DDX60L: variants seen among roughly 807,000 people sequenced by gnomAD.
DDX60L encodes the protein DExD/H-box 60 like, also known as probable ATP-dependent RNA helicase DDX60-like.
DDX60L carries 191 observed loss-of-function variants against 211.6 expected under a neutral mutation model. The ratio of observed to expected loss-of-function variants is 0.90; its 90% confidence interval spans 0.80 to 1.02. The LOEUF (loss-of-function observed/expected upper bound fraction) is 1.02. Ranked by LOEUF, DDX60L falls within the 50% of genes least tolerant of loss-of-function variation. DDX60L has a pLI of 0.00. For synonymous variants in DDX60L, 706 were observed against 694.1 expected (o/e 1.02, Z -0.27); for missense variants, 2,007 against 1,984.1 (o/e 1.01, Z -0.22).
At chr4:168,361,101 A>C in intron 37 of DDX60L, 48 bp downstream of exon 37, 1 of 1,352,468 alleles carries the variant, frequency 7.4e-7, no homozygotes, top group Non-Finnish European at 1.0e-6. Context: ...TATGTTTGCT[A>C]AACTATCATT....
At chr4:168,479,817 A>C (rs1304194114) in intron 1 of DDX60L, among the ~76,000 whole-genome samples, 2 of 150,958 alleles carry the variant, frequency 1.3e-5, no homozygotes, top group African/African-American at 4.9e-5. Flanking sequence ...AAAATAAAAA[A>C]TAAAAAATAA....
chr4:168,469,879 A>G (rs1228839678), intron 4 of DDX60L: 1 of 152,196 alleles, frequency 6.6e-6, no homozygotes, highest in Non-Finnish European at 1.5e-5. Context: ...CTCTGTCTCA[A>G]AATGAAGTGA....
At chr4:168,458,465 A>G (rs1049334690) in intron 5 of DDX60L, among the ~76,000 whole-genome samples, 2 of 152,194 alleles carry the variant, frequency 1.3e-5, no homozygotes, top group African/African-American at 4.8e-5. Context: ...ATGGAATACT[A>G]TGCAGCTGTG....
intron 34 of DDX60L, among the ~76,000 whole-genome samples, chr4:168,374,072 C>T (rs1302269305): frequency 2.0e-5 from 3 of 151,972 alleles, no homozygotes; most frequent in African/African-American, 7.3e-5. Context: ...CAGAAACCTC[C>T]TAGACATGAT....
chr4:168,401,564 A>C (rs1746819714), intron 25 of DDX60L, among the ~76,000 whole-genome samples: 1 of 152,258 alleles, frequency 6.6e-6, no homozygotes, highest in African/African-American at 2.4e-5. Flanking sequence ...TTGGCTCGGA[A>C]TAAATCTCTT....
intron 14 of DDX60L, among the ~76,000 whole-genome samples, chr4:168,424,736 C>T (rs1751191898): frequency 6.6e-6 from 1 of 152,030 alleles, no homozygotes; most frequent in Non-Finnish European, 1.5e-5. Context: ...AGCAGAAGAA[C>T]ATCTGTAGCA....
Position 168,375,130 on chromosome 4 carries a change from AT to A in DDX60L, c.4633+246del, listed in dbSNP as rs3833607. ...TCAAAATGGTTCATGAATGACTTTTATTTTTTTTCCTCCATTGCCCAATTAA... is the reference window on the plus strand; with the variant it reads ...TCAAAATGGTTCATGAATGACTTTTATTTTTTTCCTCCATTGCCCAATTAA... On this transcript the variant is annotated intron_variant, in intron 34 of 37. Coordinates refer to ENST00000682922, the MANE Select transcript of DDX60L (RefSeq NM_001012967.3). Among the ~76,000 whole-genome samples, 118 of 151,854 alleles carry A rather than the reference AT, an allele frequency of 7.8e-4. 2 individuals carry two copies. The East Asian group carries it at 0.021, about 28-fold the overall frequency.
intron 25 of DDX60L, among the ~76,000 whole-genome samples, chr4:168,403,031 G>A (rs1310125878): frequency 6.6e-6 from 1 of 152,058 alleles, no homozygotes. Context: ...TGATATATAG[G>A]GGTACATTTG....
In DDX60L at chr4:168,448,644, T is replaced by C. The variant is rs1755188831; in HGVS notation, c.1132A>G (p.Thr378Ala). 1 of 1,541,756 alleles carries C rather than the reference T, an allele frequency of 6.5e-7. No individual in the cohort carries two copies. Among genetic ancestry groups the C allele is most frequent in the Non-Finnish European group, 8.9e-7 (1 of 1,127,710 alleles). ...NIAFYYEFES[T>A]QEPHLNLGDS... is the part of the protein sequence containing the mutation. The stretch of plus-strand genomic sequence containing the variant: ...ATGCATATTCAGGTACTACCTTGAG[T>C]ACTTTCAAATTCATAGTAGAAGGCT... The change falls in exon 9 of 38, where the codon ACT becomes GCT. Residue 378 changes from threonine (T) to alanine (A), a missense_variant. Transcript: ENST00000682922.
chr4:168,442,665 C>G (rs1303587186), intron 9 of DDX60L, among the ~76,000 whole-genome samples: 50 of 151,114 alleles, frequency 3.3e-4, no homozygotes, highest in Non-Finnish European at 5.9e-4. Flanking sequence ...TCTCCCAGCA[C>G]GCAGCTGGAG....
intron 22 of DDX60L, among the ~76,000 whole-genome samples, chr4:168,407,316 A>G (rs935263066): frequency 1.3e-5 from 2 of 152,186 alleles, no homozygotes; most frequent in Admixed American, 1.3e-4. Flanking sequence ...AAGCCTTTAG[A>G]ACTCATGCAC....
intron 26 of DDX60L, among the ~76,000 whole-genome samples, chr4:168,399,127 C>T (rs1476940921): frequency 6.6e-6 from 1 of 152,206 alleles, no homozygotes; most frequent in East Asian, 1.9e-4. Flanking sequence ...CTCATTCTTC[C>T]TGGATACGGG....
chr4:168,395,063 T>G (rs1265043459), intron 27 of DDX60L, among the ~76,000 whole-genome samples: 1 of 152,300 alleles, frequency 6.6e-6, no homozygotes, highest in South Asian at 2.1e-4. Flanking sequence ...CCCTTAAAAA[T>G]GTCCATACCC....
At chr4:168,426,747 C>T (rs1220865602) in intron 14 of DDX60L, among the ~76,000 whole-genome samples, 1 of 152,152 alleles carries the variant, frequency 6.6e-6, no homozygotes, top group Non-Finnish European at 1.5e-5. Flanking sequence ...TCTGATAGGC[C>T]CTGTTGCTGC....
chr4:168,431,449 T>C (rs909803629), intron 12 of DDX60L, among the ~76,000 whole-genome samples: 17 of 151,708 alleles, frequency 1.1e-4, no homozygotes, highest in Non-Finnish European at 2.4e-4. Context: ...GCAATTGGCA[T>C]ACTTACTTGA....
chr4:168,385,485 A>T (rs893886259), intron 29 of DDX60L, among the ~76,000 whole-genome samples: 5 of 152,160 alleles, frequency 3.3e-5, no homozygotes, highest in Non-Finnish European at 7.4e-5. Flanking sequence ...CACTCTAGAA[A>T]ATTAACTAAA....
chr4:168,394,485 A>C lies in DDX60L; in HGVS notation c.3790T>G (p.Phe1264Val), dbSNP rs781704022. 98 of 1,606,346 alleles carry C rather than the reference A, an allele frequency of 6.1e-5. No individual in the cohort carries two copies. Among genetic ancestry groups the C allele is most frequent in the Non-Finnish European group, 8.0e-5 (94 of 1,177,640 alleles). ...FKEKEFVEIL[F>V]VKGLIRVVTA... The stretch of plus-strand genomic sequence containing the variant: ...CCTACCCTAATAAGCCCTTTTACAA[A>C]GAGTATCTCAACAAACTCTTTTTCT... Residue 1264 changes from phenylalanine to valine, a missense_variant, in exon 28 of 38, where the codon TTT becomes GTT. Physicochemically the swap from Phe to Val is conservative, Grantham distance 50. Transcript: ENST00000682922.
At chr4:168,455,569 A>C (rs1290021578) in intron 7 of DDX60L, among the ~76,000 whole-genome samples, 1 of 152,200 alleles carries the variant, frequency 6.6e-6, no homozygotes, top group East Asian at 1.9e-4. Flanking sequence ...TCTTGGTCTC[A>C]AAGTCTTGAA....
At chr4:168,431,583 A>G (rs555733383) in intron 12 of DDX60L, among the ~76,000 whole-genome samples, 4,768 of 149,744 alleles carry the variant, frequency 0.032, 286 homozygotes, top group African/African-American at 0.11. Context: ...GGATAGCATT[A>G]AGAGATATAC....
Sources: allele counts gnomAD v4.1 joint callset (sites outside exome capture counted in the v4.1 genomes callset), GRCh38; gene constraint gnomAD v4.1.1; transcripts MANE v1.5; gene names NCBI Gene and HGNC (gene_info 2026-07-23, HGNC 2026-07-21).